The following CCDC7 variants were observed in gnomAD, a reference collection of about 807,000 sequenced individuals.
CCDC7 encodes the protein coiled-coil domain-containing protein 7.
Under a neutral mutation model 196.9 loss-of-function variants are expected in CCDC7, and 183 were observed. The ratio of observed to expected loss-of-function variants is 0.93; its 90% CI spans 0.82 to 1.05. CCDC7 has a LOEUF of 1.05. CCDC7 is among the 50% of genes least tolerant of loss of function. CCDC7 has a pLI of 0.00. For missense variants in CCDC7, 1,540 were observed against 1,482.2 expected (o/e 1.04, Z -0.64); for synonymous variants, 525 against 484.6 (o/e 1.08, Z -1.10).
chr10:32,647,334 C>T (rs989774545), intron 20 of CCDC7, among the ~76,000 whole-genome samples: 12 of 152,030 alleles, frequency 7.9e-5, no homozygotes, highest in Non-Finnish European at 1.8e-4. Context: ...TGGTGAAGCC[C>T]TATCTCTACT....
intron 21 of CCDC7, among the ~76,000 whole-genome samples, chr10:32,681,497 G>A (rs2075841938): frequency 6.6e-6 from 1 of 152,042 alleles, no homozygotes; most frequent in Non-Finnish European, 1.5e-5. Flanking sequence ...AACTTAAGGC[G>A]ATTAGACTAA....
downstream of CCDC7, among the ~76,000 whole-genome samples, chr10:32,881,074 T>A (rs1322956395): frequency 2.0e-5 from 3 of 152,212 alleles, no homozygotes; most frequent in Non-Finnish European, 4.4e-5. Flanking sequence ...CATTTTCTTT[T>A]TCAAGAAGAA....
At chr10:32,605,395 A>G (rs2138514848) in intron 18 of CCDC7, among the ~76,000 whole-genome samples, 1 of 152,310 alleles carries the variant, frequency 6.6e-6, no homozygotes, top group South Asian at 2.1e-4. Context: ...TGTGGATGCA[A>G]CTTTGGAGCT....
intron 16 of CCDC7, chr10:32,574,280 A>C (rs2057926770): frequency 3.4e-5 from 14 of 408,398 alleles, no homozygotes; most frequent in Non-Finnish European, 4.6e-5. Flanking sequence ...ATAGAATTGC[A>C]CTTAATAGCT....
chr10:32,814,245 A>T, intron 30 of CCDC7, 125 bp from the exon 32 acceptor site: 1 of 685,100 alleles, frequency 1.5e-6, no homozygotes, highest in Non-Finnish European at 2.5e-6. Flanking sequence ...GGCGTGAGCC[A>T]CCGTGCCCAG....
At position 32,818,499 on chromosome 10, in the gene CCDC7, C is replaced by A. The variant is rs1364160712; in HGVS notation, c.3181+4046C>A. The stretch of plus-strand genomic sequence containing the variant: ...TGCACCAAGTGGACCTAATAGACAT[C>A]TACAGAACTCTCCACCCCAAATCAA... On this transcript the variant is annotated intron_variant, in intron 31 of 41. Coordinates refer to ENST00000639629, the Ensembl canonical transcript of CCDC7. Among the ~76,000 whole-genome samples, 5 of 152,166 alleles carry A rather than the reference C, an allele frequency of 3.3e-5. No homozygotes were observed. In the East Asian group the frequency reaches 9.6e-4, roughly 29 times the overall value.
At chr10:32,634,917 C>T in intron 19 of CCDC7, 140 bp from the exon 21 acceptor site, 1 of 392,110 alleles carries the variant, frequency 2.6e-6, no homozygotes, top group Non-Finnish European at 4.5e-6. Flanking sequence ...TTCTGCTTCG[C>T]ATCCACGGTC....
chr10:32,609,690 A>C (rs2061895254), intron 18 of CCDC7, among the ~76,000 whole-genome samples: 1 of 152,188 alleles, frequency 6.6e-6, no homozygotes, highest in Non-Finnish European at 1.5e-5. Context: ...AGGTGACTGT[A>C]TAATGGGGCA....
chr10:32,790,908 A>G (rs1186073609), intron 29 of CCDC7, among the ~76,000 whole-genome samples: 1 of 152,156 alleles, frequency 6.6e-6, no homozygotes, highest in Non-Finnish European at 1.5e-5. Flanking sequence ...AGCCACTTCA[A>G]TCCTGTGCCC....
intron 24 of CCDC7, among the ~76,000 whole-genome samples, chr10:32,703,602 C>A (rs980633323): frequency 5.9e-5 from 9 of 152,060 alleles, no homozygotes; most frequent in African/African-American, 1.9e-4. Context: ...TAATATCCTG[C>A]AGACTGTTTT....
intron 21 of CCDC7, among the ~76,000 whole-genome samples, chr10:32,671,940 T>A (rs1214621947): frequency 6.6e-6 from 1 of 152,198 alleles, no homozygotes; most frequent in Non-Finnish European, 1.5e-5. Flanking sequence ...TGGCAATGAC[T>A]ATTAAAGTTC....
intron 28 of CCDC7, among the ~76,000 whole-genome samples, chr10:32,743,668 T>C (rs144936904): frequency 0.039 from 5,885 of 152,208 alleles, 121 homozygotes; most frequent in Middle Eastern, 0.051. Flanking sequence ...TAAATGATAC[T>C]GCTATAAAGA....
chr10:32,510,398 C>T (rs932864511), intron 9 of CCDC7, among the ~76,000 whole-genome samples: 5 of 152,118 alleles, frequency 3.3e-5, no homozygotes, highest in South Asian at 2.1e-4. Flanking sequence ...GCATTGTATA[C>T]TTAAAATTTT....
At chr10:32,577,485 A>G (rs906727604) in intron 16 of CCDC7, among the ~76,000 whole-genome samples, 9 of 152,190 alleles carry the variant, frequency 5.9e-5, no homozygotes, top group African/African-American at 2.2e-4. Flanking sequence ...ATTGTGCTCT[A>G]TGGCCATGAA....
rs148493142 is a variant in CCDC7, at chr10:32,771,088, T to C, written c.2906-7889T>C. ...AGGCCATTTACATTCAATGTTAATA[T>C]TAAGATGTGAGGTACTGTTTTCTTC... On this transcript the variant is annotated intron_variant, in intron 28 of 41. Transcript: ENST00000639629. 4.9e-3 allele frequency among the ~76,000 whole-genome samples: 749 copies of C among 152,356 alleles called. 11 individuals are homozygous for C. Among genetic ancestry groups the C allele is most frequent in the East Asian group, 0.036 (186 of 5,192 alleles).
At chr10:32,569,330 CCTT>C (rs1425038979) in intron 15 of CCDC7, among the ~76,000 whole-genome samples, 1 of 152,148 alleles carries the variant, frequency 6.6e-6, no homozygotes, top group Non-Finnish European at 1.5e-5. Context: ...TTAACTGTAA[CCTT>C]CTTTCTCAAT....
intron 21 of CCDC7, among the ~76,000 whole-genome samples, chr10:32,668,045 T>C (rs1487133323): frequency 6.6e-6 from 1 of 152,116 alleles, no homozygotes; most frequent in South Asian, 2.1e-4. Flanking sequence ...TTTATTTCAT[T>C]GAGCAGTGGT....
chr10:32,798,882 A>G (rs976902697), intron 29 of CCDC7, among the ~76,000 whole-genome samples: 2 of 152,028 alleles, frequency 1.3e-5, no homozygotes, highest in African/African-American at 4.8e-5. Context: ...AGACCCTACT[A>G]TTCTCTTCCT....
intron 8 of CCDC7, among the ~76,000 whole-genome samples, chr10:32,477,653 C>G (rs562504078): frequency 6.6e-6 from 1 of 151,540 alleles, no homozygotes; most frequent in South Asian, 2.1e-4. Context: ...TGCCAAAGAT[C>G]AGTTGCGTAT....
Sources: allele counts gnomAD v4.1 joint callset (sites outside exome capture counted in the v4.1 genomes callset), GRCh38; gene constraint gnomAD v4.1.1; transcripts MANE v1.5; gene names NCBI Gene and HGNC (gene_info 2026-07-23, HGNC 2026-07-21).